PTPRM: variants seen among roughly 807,000 people sequenced by gnomAD.
PTPRM encodes the protein protein tyrosine phosphatase receptor type M.
A neutral mutation model predicts 186.7 loss-of-function variants in PTPRM; 47 were observed. The observed-to-expected ratio is 0.25, with a 90% CI of 0.20 to 0.32. The LOEUF (loss-of-function observed/expected upper bound fraction) is 0.32. Among genes scored for constraint, PTPRM ranks in the 10% least tolerant of loss-of-function variants. PTPRM has a pLI of 1.00. For missense variants in PTPRM, 1,494 were observed against 1,865.0 expected, an observed-to-expected ratio of 0.80 and a Z score of 3.66; for synonymous variants, 668 against 674.9, an observed-to-expected ratio of 0.99 and a Z score of 0.16.
At chr18:7,667,629 T>G (rs1489615153) in intron 1 of PTPRM, among the ~76,000 whole-genome samples, 1 of 152,252 alleles carries the variant, frequency 6.6e-6, no homozygotes, top group African/African-American at 2.4e-5. Context: ...TAATGAATTA[T>G]TGAACATATT....
intron 1 of PTPRM, among the ~76,000 whole-genome samples, chr18:7,733,117 G>A (rs961879031): frequency 6.6e-6 from 1 of 152,152 alleles, no homozygotes; most frequent in Non-Finnish European, 1.5e-5. Context: ...TGTACCGAAT[G>A]TGCAGGTTTG....
chr18:7,906,659 G>A, intron 4 of PTPRM, 76 bp downstream of exon 4: 1 of 1,188,336 alleles, frequency 8.4e-7, no homozygotes, highest in Admixed American at 1.7e-5. Context: ...GAGAAGGGAT[G>A]AAAACCTGTG....
intron 2 of PTPRM, among the ~76,000 whole-genome samples, chr18:7,781,636 T>A (rs1052156267): frequency 5.9e-5 from 9 of 152,160 alleles, no homozygotes; most frequent in Non-Finnish European, 1.5e-5. Flanking sequence ...CCATTGTCTA[T>A]CATTCGTTCC....
At chr18:7,763,367 A>G (rs1280629808) in intron 1 of PTPRM, among the ~76,000 whole-genome samples, 1 of 152,196 alleles carries the variant, frequency 6.6e-6, no homozygotes, top group Non-Finnish European at 1.5e-5. Flanking sequence ...TTTGGAGCGT[A>G]AGATTGTTAG....
rs765698395 is a variant in PTPRM, at chr18:7,631,862, G to C, written c.73+63971G>C. 1.1e-4 allele frequency among the ~76,000 whole-genome samples: 16 copies of C among 152,150 alleles called. 1 individual carries two copies. Among genetic ancestry groups the C allele is most frequent in the Non-Finnish European group, 1.5e-5 (1 of 68,038 alleles). ...TTTTTGCAATTATTCTAGCACTACA[G>C]ATCTGTCAAGGATAATAATGCATAG... is the stretch of plus-strand genomic sequence containing the variant. On this transcript the variant is annotated intron_variant, in intron 1 of 32. Coordinates refer to ENST00000580170, the MANE Select transcript of PTPRM (RefSeq NM_001105244.2).
intron 9 of PTPRM, among the ~76,000 whole-genome samples, chr18:8,081,902 A>C (rs1173662223): frequency 2.0e-5 from 3 of 152,124 alleles, no homozygotes; most frequent in Non-Finnish European, 2.9e-5. Context: ...AAGGTGTCTA[A>C]TTTTTACCAA....
chr18:7,655,525 G>GAT (rs2038826832), intron 1 of PTPRM, among the ~76,000 whole-genome samples: 1 of 152,226 alleles, frequency 6.6e-6, no homozygotes, highest in South Asian at 2.1e-4. Context: ...CATAGTCTTA[G>GAT]ATATGATCCA....
Position 8,209,645 on chromosome 18 carries a change from CAG to C in PTPRM, c.2301-34410_2301-34409del, listed in dbSNP as rs1249072371. On this transcript the variant is annotated intron_variant, in intron 14 of 32. Coordinates refer to ENST00000580170, the MANE Select transcript of PTPRM (RefSeq NM_001105244.2). ...CTCCGAAGGTGACCTTATTTGGAAA[CAG>C]AGTCTTTAGGGAGATAATCAATTTA... is the stretch of plus-strand genomic sequence containing the variant. 4.6e-5 allele frequency among the ~76,000 whole-genome samples: 7 copies of C among 152,132 alleles called. No individual in the cohort carries two copies. The East Asian group carries it at 1.2e-3, about 25-fold the overall frequency.
chr18:7,795,276 G>A (rs550723574), intron 2 of PTPRM, among the ~76,000 whole-genome samples: 7 of 152,242 alleles, frequency 4.6e-5, no homozygotes, highest in Non-Finnish European at 8.8e-5. Context: ...CTCTCTGACC[G>A]TAGCCTGGTT....
rs150275221 is a variant in PTPRM at position 7,596,923 on chromosome 18, G to A, written c.73+29032G>A. ...GGCTGGAGTGCATTGGCACAATTTC[G>A]GCTCACTGCAACCTCCGCCTCCCAG... On this transcript the variant is annotated intron_variant, in intron 1 of 32. Transcript: ENST00000580170. Among the ~76,000 whole-genome samples, 571 of 150,826 alleles carry A rather than the reference G, an allele frequency of 3.8e-3. 3 individuals are homozygous for A. Among genetic ancestry groups the A allele is most frequent in the African/African-American group, 0.013 (513 of 40,982 alleles).
intron 14 of PTPRM, among the ~76,000 whole-genome samples, chr18:8,201,340 A>T (rs1327190790): frequency 6.6e-6 from 1 of 152,234 alleles, no homozygotes; most frequent in Non-Finnish European, 1.5e-5. Flanking sequence ...AAAAGATTTA[A>T]AAACTAAAAT....
At chr18:7,774,631 T>C (rs1305485233) in intron 2 of PTPRM, among the ~76,000 whole-genome samples, 5 of 152,194 alleles carry the variant, frequency 3.3e-5, no homozygotes, top group African/African-American at 1.2e-4. Flanking sequence ...ACAGTCTCCA[T>C]AGGAGGCCTT....
intron 4 of PTPRM, among the ~76,000 whole-genome samples, chr18:7,920,077 G>A (rs1362540129): frequency 6.6e-6 from 1 of 152,130 alleles, no homozygotes; most frequent in Non-Finnish European, 1.5e-5. Flanking sequence ...ACCTATGTGA[G>A]TGCCTTTATA....
chr18:8,231,338 C>G (rs1053140054), intron 14 of PTPRM, among the ~76,000 whole-genome samples: 5 of 152,144 alleles, frequency 3.3e-5, no homozygotes, highest in African/African-American at 1.2e-4. Context: ...CCCATCCATC[C>G]TGCTCCTCTC....
At chr18:8,389,266 A>C (rs2095796890) in intron 31 of PTPRM, among the ~76,000 whole-genome samples, 1 of 152,212 alleles carries the variant, frequency 6.6e-6, no homozygotes, top group South Asian at 2.1e-4. Flanking sequence ...CTTTCTAAAA[A>C]GGGTCAGTGC....
chr18:7,826,400 TCAAA>T (rs2045486155), intron 2 of PTPRM, among the ~76,000 whole-genome samples: 2 of 152,204 alleles, frequency 1.3e-5, no homozygotes, highest in Non-Finnish European at 2.9e-5. Flanking sequence ...GCACTGCCAC[TCAAA>T]CAAGTTTCTG....
chr18:8,001,945 C>G (rs527341055), intron 7 of PTPRM, among the ~76,000 whole-genome samples: 1 of 152,290 alleles, frequency 6.6e-6, no homozygotes, highest in South Asian at 2.1e-4. Flanking sequence ...TTGATGTTTC[C>G]TTTGGTTTCC....
intron 1 of PTPRM, among the ~76,000 whole-genome samples, chr18:7,649,102 C>T (rs951397831): frequency 1.6e-4 from 25 of 152,174 alleles, no homozygotes; most frequent in African/African-American, 6.0e-4. Context: ...GATGCTAAGT[C>T]TACTCTGCCT....
intron 2 of PTPRM, among the ~76,000 whole-genome samples, chr18:7,859,567 C>T (rs1256473605): frequency 6.6e-6 from 1 of 152,218 alleles, no homozygotes; most frequent in Non-Finnish European, 1.5e-5. Context: ...GCACCTCTGG[C>T]CCAAGTATGC....
Sources: gnomAD v4.1 joint callset for allele counts (sites outside exome capture counted in the v4.1 genomes callset) on GRCh38, gnomAD v4.1.1 for gene constraint, MANE v1.5 for transcripts, NCBI Gene and HGNC (gene_info 2026-07-23, HGNC 2026-07-21) for gene names.